Variants in ITPRID1 observed in about 807,000 individuals in gnomAD.
ITPRID1 encodes ITPR interacting domain containing 1, also known as protein ITPRID1.
ITPRID1 carries 96 observed loss-of-function variants against 95.4 expected under a neutral mutation model. That is an observed-to-expected ratio of 1.01 (90% CI 0.85 to 1.19). The LOEUF (loss-of-function observed/expected upper bound fraction) is 1.19, where lower values mean the gene tolerates loss of function less well. Among genes scored for constraint, ITPRID1 ranks in the 50% most tolerant of loss-of-function variants. The pLI, the probability that ITPRID1 is intolerant of heterozygous loss-of-function variation, is 0.00. For missense variants in ITPRID1, 1,339 were observed against 1,252.9 expected, an observed-to-expected ratio of 1.07 and a Z score of -1.04; for synonymous variants, 510 against 453.6, an observed-to-expected ratio of 1.12 and a Z score of -1.58.
chr7:31,633,349 A>T (rs1056101869), intron 10 of ITPRID1, among the ~76,000 whole-genome samples: 2 of 152,168 alleles, frequency 1.3e-5, no homozygotes, highest in Non-Finnish European at 2.9e-5. Flanking sequence ...GAATTTCCTA[A>T]AACGTATGAT....
At chr7:31,551,308 T>C (rs1784278917) in intron 2 of ITPRID1, among the ~76,000 whole-genome samples, 1 of 143,574 alleles carries the variant, frequency 7.0e-6, no homozygotes, top group African/African-American at 2.5e-5. Context: ...GCTAAATAAC[T>C]AAAATTTCAG....
chr7:31,579,585 A>G (rs1352541571), intron 9 of ITPRID1, among the ~76,000 whole-genome samples: 1 of 152,218 alleles, frequency 6.6e-6, no homozygotes, highest in African/African-American at 2.4e-5. Context: ...AAGTAAAGGC[A>G]TTCTTAGCCA....
intron 2 of ITPRID1, 80 bp downstream of exon 2, chr7:31,549,579 G>C: frequency 2.0e-6 from 2 of 991,256 alleles, no homozygotes; most frequent in Non-Finnish European, 2.9e-6. Flanking sequence ...TTATAGATAT[G>C]AGGAAATAGA....
At chr7:31,515,054 A>G (rs751926341) in intron 1 of ITPRID1, among the ~76,000 whole-genome samples, 2 of 152,058 alleles carry the variant, frequency 1.3e-5, no homozygotes, top group Non-Finnish European at 2.9e-5. Context: ...TTTAGTAATT[A>G]TCTATTCTTA....
intron 1 of ITPRID1, among the ~76,000 whole-genome samples, chr7:31,525,431 T>A (rs111804939): frequency 0.011 from 1,632 of 152,320 alleles, 32 homozygotes; most frequent in African/African-American, 0.037. Context: ...AAAATGTCTC[T>A]AGACATTGCC....
chr7:31,560,677 G>A (rs1324160813), intron 5 of ITPRID1, among the ~76,000 whole-genome samples: 1 of 152,222 alleles, frequency 6.6e-6, no homozygotes, highest in Admixed American at 6.5e-5. Flanking sequence ...GCATCTGGAA[G>A]AATGAGTGGC....
intron 10 of ITPRID1, among the ~76,000 whole-genome samples, chr7:31,586,350 T>A (rs1321476122): frequency 6.7e-6 from 1 of 149,520 alleles, no homozygotes; most frequent in South Asian, 2.1e-4. Flanking sequence ...TTTGGGTATA[T>A]ACCCAGTAAT....
In ITPRID1 at chr7:31,578,306, C is replaced by T. The variant is rs758300969; in HGVS notation, c.1042C>T (p.Pro348Ser). 5.0e-6 allele frequency: 8 copies of T among 1,613,890 alleles called. No individual in the cohort carries two copies. Among genetic ancestry groups the T allele is most frequent in the African/African-American group, 2.7e-5 (2 of 75,038 alleles). The change falls in exon 9 of 15, where the codon CCT becomes TCT. Residue 348 changes from proline to serine, a missense_variant. Pro to Ser is a moderately conservative substitution (Grantham distance 74). Transcript: ENST00000615280. ...PCSSMPAKQA[P>S]PSCVSEGSVK... ...CTCATCTATGCCGGCCAAGCAGGCTCCTCCTTCCTGTGTGTCTGAGGGGTC... is the reference window on the plus strand; with the variant it reads ...CTCATCTATGCCGGCCAAGCAGGCTTCTCCTTCCTGTGTGTCTGAGGGGTC...
chr7:31,654,387 T>C lies in ITPRID1; in HGVS notation c.*1558T>C, dbSNP rs768055576. ...GGCTGAGAGGGGATCGGTCAGACTATAGGCCATGACCAAGTCTTTGCATCT... is the reference window on the plus strand; with the variant it reads ...GGCTGAGAGGGGATCGGTCAGACTACAGGCCATGACCAAGTCTTTGCATCT... On this transcript the variant is annotated 3_prime_UTR_variant, in exon 15 of 15. Transcript: ENST00000615280. Among the ~76,000 whole-genome samples, 4 of 152,198 alleles carry C rather than the reference T, an allele frequency of 2.6e-5. No homozygotes were observed. Among genetic ancestry groups the C allele is most frequent in the Non-Finnish European group, 5.9e-5 (4 of 68,024 alleles).
chr7:31,534,345 C>T (rs1562552765), intron 1 of ITPRID1, among the ~76,000 whole-genome samples: 1 of 152,162 alleles, frequency 6.6e-6, no homozygotes, highest in Non-Finnish European at 1.5e-5. Flanking sequence ...TATCTATCTA[C>T]TTTTCATGTT....
At chr7:31,610,338 C>G (rs1186672943) in intron 10 of ITPRID1, among the ~76,000 whole-genome samples, 1 of 151,534 alleles carries the variant, frequency 6.6e-6, no homozygotes, top group Non-Finnish European at 1.5e-5. Flanking sequence ...TAGAAAATAC[C>G]TATTTAATTC....
intron 10 of ITPRID1, among the ~76,000 whole-genome samples, chr7:31,639,456 A>G (rs1562644218): frequency 1.3e-5 from 2 of 150,668 alleles, no homozygotes; most frequent in African/African-American, 4.9e-5. Context: ...AATATCTTGC[A>G]TATATCCACT....
intron 5 of ITPRID1, among the ~76,000 whole-genome samples, chr7:31,563,947 G>A (rs1784708720): frequency 6.6e-6 from 1 of 152,156 alleles, no homozygotes; most frequent in Non-Finnish European, 1.5e-5. Context: ...GTTGCTGACT[G>A]CCTCTACTAA....
intron 10 of ITPRID1, among the ~76,000 whole-genome samples, chr7:31,639,738 G>A (rs1341454990): frequency 6.6e-6 from 1 of 151,594 alleles, no homozygotes; most frequent in African/African-American, 2.4e-5. Flanking sequence ...GGGTTTCACT[G>A]TGTTAGCCAG....
intron 9 of ITPRID1, among the ~76,000 whole-genome samples, chr7:31,582,146 C>T (rs1217173101): frequency 6.6e-6 from 1 of 152,172 alleles, no homozygotes; most frequent in Non-Finnish European, 1.5e-5. Flanking sequence ...ATATTCACCT[C>T]AGCATTATTT....
At chr7:31,650,631 C>G (rs1241972642) in intron 12 of ITPRID1, among the ~76,000 whole-genome samples, 9 of 152,114 alleles carry the variant, frequency 5.9e-5, no homozygotes, top group Non-Finnish European at 1.2e-4. Context: ...CCTGCAGATT[C>G]CAACCTCCAG....
chr7:31,620,891 C>A (rs1787809627), intron 10 of ITPRID1, among the ~76,000 whole-genome samples: 3 of 151,974 alleles, frequency 2.0e-5, no homozygotes, highest in African/African-American at 7.2e-5. Flanking sequence ...ACTAGAATAA[C>A]CAATACAGAG....
At chr7:31,551,279 G>T (rs1302237695) in intron 2 of ITPRID1, among the ~76,000 whole-genome samples, 1 of 143,348 alleles carries the variant, frequency 7.0e-6, no homozygotes, top group Admixed American at 7.0e-5. Flanking sequence ...TTCCTTGAAA[G>T]ACCCAAAACC....
At chr7:31,574,865 C>T (rs1785125044) in intron 8 of ITPRID1, 123 bp downstream of exon 8, 2 of 818,736 alleles carry the variant, frequency 2.4e-6, no homozygotes, top group Middle Eastern at 7.1e-4. Flanking sequence ...TGACTTCACA[C>T]ACAAAAGATG....
Sources: allele counts gnomAD v4.1 joint callset (sites outside exome capture counted in the v4.1 genomes callset), GRCh38; gene constraint gnomAD v4.1.1; transcripts MANE v1.5; gene names NCBI Gene and HGNC (gene_info 2026-07-23, HGNC 2026-07-21).